The following ZNF43 variants were observed in gnomAD, a reference collection of about 807,000 sequenced individuals.
ZNF43 encodes zinc finger protein 43, also known as zinc finger protein 39-like 1 (KOX 27).
In ZNF43, 44 loss-of-function variants were observed where a neutral mutation model predicts 68.4. The ratio of observed to expected loss-of-function variants is 0.64; its 90% CI spans 0.51 to 0.83. The LOEUF (loss-of-function observed/expected upper bound fraction) is 0.83, where lower values mean the gene tolerates loss of function less well. Among genes scored for constraint, ZNF43 ranks in the 40% least tolerant of loss-of-function variants. ZNF43 has a pLI of 0.00. For missense variants in ZNF43, 896 were observed against 933.2 expected (o/e 0.96, Z 0.52); for synonymous variants, 308 against 307.8 (o/e 1.00, Z -0.01).
upstream of ZNF43, among the ~76,000 whole-genome samples, chr19:21,836,836 A>G (rs1044021923): frequency 3.3e-5 from 5 of 152,200 alleles, no homozygotes; most frequent in African/African-American, 9.7e-5. Flanking sequence ...AATGAATCCT[A>G]CAAAGTCAGC....
In ZNF43 at chr19:21,809,803, CAT is replaced by C. The variant is rs1568348415; in HGVS notation, c.232_233del (p.Met78ValfsTer27). 1.2e-5 allele frequency: 19 copies of C among 1,521,826 alleles called. No homozygotes were observed. The highest frequency in any genetic ancestry group is 1.6e-5 in the Non-Finnish European group (18 of 1,138,400). The allele number at this position is 1,521,826 out of a possible 1,614,324, so 94.3% of individuals were successfully genotyped here. On this transcript the variant is annotated frameshift_variant and splice_region_variant, in exon 4 of 4. Coordinates refer to ENST00000354959, the MANE Select transcript of ZNF43 (RefSeq NM_003423.4). LOFTEE classifies it high-confidence loss of function. Reference protein sequence around the residue: ...RHEMVAKPPVMCSHFTQDFWP... With the variant: ...RHEMVAKPPVXCSHFTQDFWP... The stretch of plus-strand genomic sequence containing the variant: ...AAAAGTCTTGGGTAAAATGAGAACA[CAT>C]AACTGAAAAAAATAAAAATAACAAA...
At chr19:21,851,896 C>T (rs79999508) in intron 1 of ZNF43, 2 of 1,577,378 alleles carry the variant, frequency 1.3e-6, no homozygotes, top group Non-Finnish European at 1.7e-6. Context: ...CCTAACCCCG[C>T]ACACTCACCA....
chr19:21,820,830 A>ATTTT (rs750258211), intron 1 of ZNF43, among the ~76,000 whole-genome samples: 4 of 128,780 alleles, frequency 3.1e-5, no homozygotes, highest in African/African-American at 1.2e-4. Context: ...ATGTTCTGTA[A>ATTTT]TTTTTTTTTT....
rs969970274 is a variant in ZNF43, at chr19:21,806,737, A to G, written c.*870T>C. ...TCTTCTACTTCTTTTAATGTTATAT[A>G]CAAATAATTTATCCACCAAGTTTTA... On this transcript the variant is annotated 3_prime_UTR_variant, in exon 4 of 4. Transcript: ENST00000354959. The G allele has an allele frequency of 6.6e-6, 1 of 152,266 alleles. No individual in the cohort carries two copies. Among genetic ancestry groups the G allele is most frequent in the Non-Finnish European group, 1.5e-5 (1 of 68,038 alleles). The allele number at this position is 152,266 out of a possible 1,614,324, so 9.4% of individuals were successfully genotyped here.
Position 21,807,552 on chromosome 19 carries a change from C to G in ZNF43, c.*55G>C. The G allele has an allele frequency of 7.1e-7, 1 of 1,418,096 alleles. No individual in the cohort carries two copies. The highest frequency in any genetic ancestry group is 9.4e-7 in the Non-Finnish European group (1 of 1,063,036). 87.8% of individuals were successfully genotyped at this position (1,418,096 alleles called of 1,614,324 possible). A position where few individuals can be genotyped will look rare whatever the true frequency, so the allele number is the denominator to read the frequency against. ...CTTACCTACAATCAAGTGTGACAACCATGTAAAGCCTTTATCACATTCTTT... is the reference window on the plus strand; with the variant it reads ...CTTACCTACAATCAAGTGTGACAACGATGTAAAGCCTTTATCACATTCTTT... On this transcript the variant is annotated 3_prime_UTR_variant, in exon 4 of 4. Transcript: ENST00000354959.
intron 3 of ZNF43, among the ~76,000 whole-genome samples, chr19:21,813,175 A>G (rs1352203395): frequency 6.6e-6 from 1 of 151,956 alleles, no homozygotes; most frequent in East Asian, 1.9e-4. Flanking sequence ...CCAGTGGGGC[A>G]GAGGTTGCAG....
intron 1 of ZNF43, among the ~76,000 whole-genome samples, chr19:21,850,548 A>C (rs1270475663): frequency 6.7e-6 from 1 of 148,492 alleles, no homozygotes; most frequent in African/African-American, 2.5e-5. Flanking sequence ...AGACAAGGCG[A>C]TTCTCTGTCT....
chr19:21,849,349 G>A (rs867718964), intron 1 of ZNF43, among the ~76,000 whole-genome samples: 4 of 151,902 alleles, frequency 2.6e-5, no homozygotes, highest in Admixed American at 1.3e-4. Flanking sequence ...TTAGCCAGGC[G>A]TAGTGGCACA....
chr19:21,830,319 A>C (rs564944177), intron 1 of ZNF43, among the ~76,000 whole-genome samples: 179 of 151,964 alleles, frequency 1.2e-3, no homozygotes, highest in Non-Finnish European at 2.1e-3. Flanking sequence ...AACAAACAAA[A>C]AAAGAAATCC....
chr19:21,851,607 C>T (rs988026935), intron 1 of ZNF43, among the ~76,000 whole-genome samples: 24 of 152,010 alleles, frequency 1.6e-4, no homozygotes, highest in African/African-American at 4.6e-4. Context: ...GCTCCTCCTG[C>T]GCACACACCG....
intron 1 of ZNF43, among the ~76,000 whole-genome samples, chr19:21,849,179 TATA>T (rs776708902): frequency 3.3e-5 from 5 of 152,048 alleles, no homozygotes; most frequent in African/African-American, 4.8e-5. Flanking sequence ...ACGAGAGATT[TATA>T]TAGTATTCAA....
intron 1 of ZNF43, among the ~76,000 whole-genome samples, chr19:21,845,873 A>G (rs973087206): frequency 1.3e-5 from 2 of 150,320 alleles, no homozygotes; most frequent in African/African-American, 2.4e-5. Flanking sequence ...AGCCTGGGCA[A>G]CAAGAGCGAA....
intron 1 of ZNF43, among the ~76,000 whole-genome samples, chr19:21,847,662 A>G (rs1180205020): frequency 6.6e-6 from 1 of 151,198 alleles, no homozygotes; most frequent in East Asian, 2.0e-4. Context: ...ACAACATTGC[A>G]CTCCAGCCTG....
At chr19:21,844,659 A>T (rs1967781022) in intron 1 of ZNF43, among the ~76,000 whole-genome samples, 1 of 151,604 alleles carries the variant, frequency 6.6e-6, no homozygotes, top group Admixed American at 6.6e-5. Context: ...GCACTTTGGG[A>T]GACCGAGGCA....
chr19:21,825,660 T>C lies in ZNF43; in HGVS notation c.4-6439A>G, dbSNP rs181223106. Among the ~76,000 whole-genome samples the C allele has an allele frequency of 2.7e-3, 410 of 151,668 alleles. 2 individuals are homozygous for C. The highest frequency in any genetic ancestry group is 4.0e-3 in the Non-Finnish European group (273 of 68,020). On this transcript the variant is annotated intron_variant, in intron 1 of 3. Coordinates refer to ENST00000354959, the MANE Select transcript of ZNF43 (RefSeq NM_003423.4). ...AAGAGGAAGAAAGTGGAGATCCTCA[T>C]GTCCTCATGTCTACTCAATGCACAC...
At chr19:21,842,288 A>G (rs1205909217) in intron 1 of ZNF43, among the ~76,000 whole-genome samples, 5 of 151,828 alleles carry the variant, frequency 3.3e-5, no homozygotes, top group African/African-American at 1.2e-4. Flanking sequence ...GCATGCCTGT[A>G]GCCCCAGCTA....
intron 3 of ZNF43, among the ~76,000 whole-genome samples, chr19:21,816,299 A>C (rs2037525411): frequency 2.0e-5 from 3 of 152,174 alleles, no homozygotes; most frequent in African/African-American, 7.2e-5. Flanking sequence ...CAGGAATTTA[A>C]GATCAGGCTG....
At chr19:21,828,840 T>C (rs1403180939) in intron 1 of ZNF43, among the ~76,000 whole-genome samples, 1 of 150,956 alleles carries the variant, frequency 6.6e-6, no homozygotes, top group African/African-American at 2.4e-5. Context: ...GAGACCATCC[T>C]GGCTAACACG....
At chr19:21,842,338 G>A (rs1196514052) in intron 1 of ZNF43, among the ~76,000 whole-genome samples, 1 of 151,192 alleles carries the variant, frequency 6.6e-6, no homozygotes, top group African/African-American at 2.4e-5. Context: ...GAACCCGGGA[G>A]GCAGAGGTTG....
Sources: allele counts gnomAD v4.1 joint callset (sites outside exome capture counted in the v4.1 genomes callset), GRCh38; gene constraint gnomAD v4.1.1; transcripts MANE v1.5; gene names NCBI Gene and HGNC (gene_info 2026-07-23, HGNC 2026-07-21).